The following BMPER variants were observed in gnomAD, a reference collection of about 807,000 sequenced individuals.
BMPER encodes BMP binding endothelial regulator.
In BMPER, 45 loss-of-function variants were observed where a neutral mutation model predicts 87.3. The ratio of observed to expected loss-of-function variants is 0.52; its 90% CI spans 0.41 to 0.66. The LOEUF (loss-of-function observed/expected upper bound fraction) is 0.66. Among genes scored for constraint, BMPER ranks in the 30% least tolerant of loss-of-function variants. The pLI is 0.00. For synonymous variants in BMPER, 326 were observed against 316.2 expected, an observed-to-expected ratio of 1.03 and a Z score of -0.33; for missense variants, 784 against 867.5, an observed-to-expected ratio of 0.90 and a Z score of 1.21.
At chr7:34,096,231 T>G (rs540294795) in intron 13 of BMPER, among the ~76,000 whole-genome samples, 1 of 152,308 alleles carries the variant, frequency 6.6e-6, no homozygotes, top group African/African-American at 2.4e-5. Flanking sequence ...CACATACAGA[T>G]TGGTTGGAGC....
At chr7:33,966,971 T>C (rs1410779040) in intron 4 of BMPER, among the ~76,000 whole-genome samples, 2 of 152,228 alleles carry the variant, frequency 1.3e-5, no homozygotes, top group Non-Finnish European at 2.9e-5. Flanking sequence ...CTGGATCCAA[T>C]CTGTAAACTA....
intron 6 of BMPER, among the ~76,000 whole-genome samples, chr7:34,001,999 A>G (rs947673172): frequency 2.0e-5 from 3 of 151,510 alleles, no homozygotes; most frequent in East Asian, 1.9e-4. Context: ...TTGACTTTCA[A>G]TTTTATTCTT....
intron 7 of BMPER, among the ~76,000 whole-genome samples, chr7:34,048,201 T>C (rs779054156): frequency 2.0e-5 from 3 of 152,060 alleles, no homozygotes; most frequent in Non-Finnish European, 4.4e-5. Flanking sequence ...AGCCATACCA[T>C]GAAGTCTATT....
chr7:34,088,735 A>G (rs568434165), intron 13 of BMPER, among the ~76,000 whole-genome samples: 109 of 152,288 alleles, frequency 7.2e-4, no homozygotes, highest in African/African-American at 2.5e-3. Context: ...CCTGGCACAG[A>G]GCGTGCTGCT....
chr7:34,099,095 A>T (rs1200560695), intron 13 of BMPER, among the ~76,000 whole-genome samples: 1 of 152,052 alleles, frequency 6.6e-6, no homozygotes. Context: ...AAGAGCTTAC[A>T]CTTTTGAGTG....
chr7:33,939,890 G>A (rs190829928), intron 3 of BMPER: 36 of 213,866 alleles, frequency 1.7e-4, no homozygotes, highest in South Asian at 5.7e-4. Context: ...GACTTTTCAG[G>A]GGCCCTGGGG....
In BMPER at chr7:33,905,755, G is replaced by C. The variant is rs75250304; in HGVS notation, c.133+9G>C. 3,544 of 1,610,200 alleles carry C rather than the reference G, an allele frequency of 2.2e-3. 63 individuals carry two copies. In the African/African-American group the frequency reaches 0.042, roughly 19 times the overall value. ...TTCCTCCTTCTTGACAGGTAGGGGA[G>C]GGGGCGGGAGGGACCGGCCCTCCGG... On this transcript the variant is annotated intron_variant, in intron 1 of 14. Coordinates refer to ENST00000649409, the MANE Select transcript of BMPER (RefSeq NM_001365308.1).
intron 6 of BMPER, among the ~76,000 whole-genome samples, chr7:33,980,185 A>G (rs548229632): frequency 9.8e-5 from 15 of 152,304 alleles, no homozygotes; most frequent in Non-Finnish European, 2.1e-4. Flanking sequence ...CTGTTTACCC[A>G]TTGTAGAAAT....
Position 33,967,003 on chromosome 7 carries a change from A to T in BMPER, c.402+442A>T, listed in dbSNP as rs77391852. On this transcript the variant is annotated intron_variant, in intron 4 of 14. Coordinates refer to ENST00000649409, the MANE Select transcript of BMPER (RefSeq NM_001365308.1). ...ACTATTACATTGAAGCAATTAGTATACTGTAACTCGATGATTTCAACCTGA... is the reference window on the plus strand; with the variant it reads ...ACTATTACATTGAAGCAATTAGTATTCTGTAACTCGATGATTTCAACCTGA... Among the ~76,000 whole-genome samples, 238 of 152,328 alleles carry T rather than the reference A, an allele frequency of 1.6e-3. 1 individual carries two copies. The highest frequency in any genetic ancestry group is 5.6e-3 in the African/African-American group (231 of 41,576).
chr7:33,975,855 C>T (rs917696596), intron 6 of BMPER, among the ~76,000 whole-genome samples: 1 of 152,128 alleles, frequency 6.6e-6, no homozygotes, highest in Admixed American at 6.6e-5. Context: ...CTCCTTCCCT[C>T]AGCACACATG....
chr7:33,984,845 C>T (rs1407889444), intron 6 of BMPER, among the ~76,000 whole-genome samples: 1 of 152,174 alleles, frequency 6.6e-6, no homozygotes, highest in Non-Finnish European at 1.5e-5. Context: ...TCTGTCAAAT[C>T]ATGTGTTCCT....
At chr7:33,913,885 T>A (rs2128602368) in intron 2 of BMPER, among the ~76,000 whole-genome samples, 1 of 152,286 alleles carries the variant, frequency 6.6e-6, no homozygotes, top group Non-Finnish European at 1.5e-5. Flanking sequence ...CTTACACTGC[T>A]GCGTGATCCA....
At chr7:33,959,765 A>G (rs758487308) in intron 3 of BMPER, among the ~76,000 whole-genome samples, 4 of 152,208 alleles carry the variant, frequency 2.6e-5, no homozygotes, top group Non-Finnish European at 5.9e-5. Context: ...AATGTATTGT[A>G]TTACCTTATG....
intron 13 of BMPER, among the ~76,000 whole-genome samples, chr7:34,129,423 C>G (rs1404343114): frequency 2.0e-5 from 3 of 151,674 alleles, no homozygotes; most frequent in Non-Finnish European, 4.4e-5. Context: ...ATCGCTTGAA[C>G]CCAGGAGGCA....
At chr7:33,934,406 T>G (rs1388039100) in intron 2 of BMPER, among the ~76,000 whole-genome samples, 3 of 151,936 alleles carry the variant, frequency 2.0e-5, no homozygotes, top group Admixed American at 2.0e-4. Context: ...GATATGGCAG[T>G]TCTGTACCAA....
rs866309179 is a variant in BMPER at position 33,905,660 on chromosome 7, G to T, written c.47G>T (p.Arg16Leu). 1.2e-6 allele frequency: 2 copies of T among 1,613,286 alleles called. No homozygotes were observed. The highest frequency in any genetic ancestry group is 3.3e-5 in the Admixed American group (2 of 59,994). ...GGGGCTCTGGCTGAGCGTTACTGCC[G>T]CCGCTCGCCTGGGATTACGTGCTGC... The part of the protein sequence containing the change: ...GVGALAERYC[R>L]RSPGITCCVL... The change falls in exon 1 of 15, where the codon CGC becomes CTC. Residue 16 changes from arginine to leucine, a missense_variant. Coordinates refer to ENST00000649409, the MANE Select transcript of BMPER (RefSeq NM_001365308.1).
chr7:34,010,988 G>A (rs1459183739), intron 6 of BMPER, among the ~76,000 whole-genome samples: 1 of 151,858 alleles, frequency 6.6e-6, no homozygotes, highest in African/African-American at 2.4e-5. Context: ...TTGAATTTAA[G>A]AGGAATTTCC....
At chr7:34,102,175 T>TG (rs1474831452) in intron 13 of BMPER, among the ~76,000 whole-genome samples, 1 of 152,152 alleles carries the variant, frequency 6.6e-6, no homozygotes, top group African/African-American at 2.4e-5. Flanking sequence ...TCCTCTGCAT[T>TG]GGCTCTAGTT....
At chr7:34,028,885 A>G (rs1787450835) in intron 6 of BMPER, among the ~76,000 whole-genome samples, 3 of 152,042 alleles carry the variant, frequency 2.0e-5, no homozygotes, top group Admixed American at 2.0e-4. Flanking sequence ...AAGACATGGC[A>G]ATTAGTATAT....
Sources: gnomAD v4.1 joint callset for allele counts (sites outside exome capture counted in the v4.1 genomes callset) on GRCh38, gnomAD v4.1.1 for gene constraint, MANE v1.5 for transcripts, NCBI Gene and HGNC (gene_info 2026-07-23, HGNC 2026-07-21) for gene names.